Variants in DNMBP observed in about 807,000 individuals in gnomAD.
DNMBP encodes the protein dynamin-binding protein.
Under a neutral mutation model 150.0 loss-of-function variants are expected in DNMBP, and 87 were observed. The observed-to-expected ratio is 0.58, with a 90% CI of 0.49 to 0.69. The LOEUF (loss-of-function observed/expected upper bound fraction) is 0.69, where lower values mean the gene tolerates loss of function less well. Among genes scored for constraint, DNMBP ranks in the 30% least tolerant of loss-of-function variants. The pLI, the probability that DNMBP is intolerant of heterozygous loss-of-function variation, is 0.00. For synonymous variants in DNMBP, 711 were observed against 750.4 expected (o/e 0.95, Z 0.86); for missense variants, 1,774 against 1,949.0 (o/e 0.91, Z 1.69).
At chr10:99,961,630 T>C (rs2040566661) in intron 3 of DNMBP, among the ~76,000 whole-genome samples, 1 of 152,114 alleles carries the variant, frequency 6.6e-6, no homozygotes, top group African/African-American at 2.4e-5. Flanking sequence ...CTTTGAAATC[T>C]TGTCCCCACG....
chr10:99,898,122 C>T lies in DNMBP; in HGVS notation c.2884G>A (p.Val962Ile), dbSNP rs769641712. 2.5e-6 allele frequency: 4 copies of T among 1,614,032 alleles called. No homozygotes were observed. The South Asian group carries it at 3.3e-5, about 13-fold the overall frequency. The change falls in exon 9 of 17, where the codon GTT becomes ATT. Residue 962 changes from valine to isoleucine, a missense_variant. Val to Ile is a conservative substitution (Grantham distance 29). Transcript: ENST00000324109. Reference protein sequence around the residue: ...NAVLAVKEINVNINEYKRRKD... With the variant: ...NAVLAVKEINININEYKRRKD... ...CGCCGTTTATATTCATTAATGTTAA[C>T]GTTGATTTCCTTGACCGCAAGGACT... is the stretch of plus-strand genomic sequence containing the variant.
chr10:99,996,345 ACCCCGT>A (rs1331380492), intron 1 of DNMBP, among the ~76,000 whole-genome samples: 1 of 151,802 alleles, frequency 6.6e-6, no homozygotes, highest in Non-Finnish European at 1.5e-5. Context: ...AAATGGCGAA[ACCCCGT>A]CTCTACTAAA....
intron 1 of DNMBP, among the ~76,000 whole-genome samples, chr10:99,981,572 T>C (rs979095272): frequency 7.9e-5 from 12 of 152,216 alleles, no homozygotes; most frequent in Non-Finnish European, 1.8e-4. Flanking sequence ...TTTACCCTGA[T>C]AGACACCGAT....
At chr10:99,998,788 A>G (rs1026287133) in intron 1 of DNMBP, among the ~76,000 whole-genome samples, 1 of 152,096 alleles carries the variant, frequency 6.6e-6, no homozygotes, top group Admixed American at 6.6e-5. Context: ...ATAAAAGGGA[A>G]TCCTATTTTT....
intron 4 of DNMBP, among the ~76,000 whole-genome samples, chr10:99,923,568 TACAGCTATG>T (rs1554864205): frequency 6.6e-6 from 1 of 152,068 alleles, no homozygotes; most frequent in Non-Finnish European, 1.5e-5. Flanking sequence ...ATCTCAGTGA[TACAGCTATG>T]GAGGTGGCTC....
chr10:99,950,601 T>G (rs1312276247), intron 4 of DNMBP, among the ~76,000 whole-genome samples: 1 of 152,204 alleles, frequency 6.6e-6, no homozygotes, highest in East Asian at 1.9e-4. Context: ...AGGAACTTGT[T>G]GGGAACTGGA....
At chr10:99,959,277 T>C (rs1036211300) in intron 3 of DNMBP, among the ~76,000 whole-genome samples, 1 of 152,150 alleles carries the variant, frequency 6.6e-6, no homozygotes, top group Non-Finnish European at 1.5e-5. Flanking sequence ...ATAGCTAATA[T>C]GATAAATATC....
chr10:99,878,938 T>C (rs560969843), intron 16 of DNMBP, among the ~76,000 whole-genome samples: 2 of 150,952 alleles, frequency 1.3e-5, no homozygotes, highest in African/African-American at 2.4e-5. Context: ...CTGGCCAACA[T>C]AGGGAAACCC....
Position 99,961,272 on chromosome 10 carries a change from T to C in DNMBP, c.269-4067A>G, listed in dbSNP as rs796870919. Reference sequence around the variant, plus strand: ...AAAATATTTCTTCCCTTTTTCTTTTTTTTTTTTTTTTTTTTTTTGTGGAGA... The same window carrying C: ...AAAATATTTCTTCCCTTTTTCTTTTCTTTTTTTTTTTTTTTTTTGTGGAGA... On this transcript the variant is annotated intron_variant, in intron 3 of 16. Coordinates refer to ENST00000324109, the MANE Select transcript of DNMBP (RefSeq NM_015221.4). 2.1e-3 allele frequency among the ~76,000 whole-genome samples: 269 copies of C among 125,324 alleles called. 1 individual carries two copies. The highest frequency in any genetic ancestry group is 5.2e-3 in the African/African-American group (156 of 29,912). 82.2% of individuals were successfully genotyped at this position (125,324 alleles called of 152,430 possible). A position where few individuals can be genotyped will look rare whatever the true frequency, so the allele number is the denominator to read the frequency against.
chr10:99,973,256 T>C lies in DNMBP; in HGVS notation c.-10-1122A>G, dbSNP rs564743598. Reference sequence around the variant, plus strand: ...TAATTTAAAAATAATAATTTCTTCATATATTTTTCATTTGGACCGCAAAGG... The same window carrying C: ...TAATTTAAAAATAATAATTTCTTCACATATTTTTCATTTGGACCGCAAAGG... On this transcript the variant is annotated intron_variant, in intron 1 of 16. Transcript: ENST00000324109. 4.3e-4 allele frequency among the ~76,000 whole-genome samples: 65 copies of C among 152,282 alleles called. 2 individuals carry two copies. Among genetic ancestry groups the C allele is most frequent in the African/African-American group, 1.6e-3 (65 of 41,558 alleles).
intron 4 of DNMBP, among the ~76,000 whole-genome samples, chr10:99,935,450 G>A (rs986649789): frequency 1.3e-4 from 20 of 152,032 alleles, no homozygotes; most frequent in Non-Finnish European, 1.9e-4. Flanking sequence ...GCAGTGGTCC[G>A]ATCATAGTTC....
chr10:99,986,594 C>CAAAAAAAAAAAAAAAAAAAAAA lies in DNMBP; in HGVS notation c.-10-14482_-10-14461dup, dbSNP rs747726572. ...TGGGAGACAGAGCAAGACTCCGTCT[C>CAAAAAAAAAAAAAAAAAAAAAA]AAAAAAAAAAAAAAAAAAAAAAAAA... On this transcript the variant is annotated intron_variant, in intron 1 of 16. Transcript: ENST00000324109. 6.7e-5 allele frequency among the ~76,000 whole-genome samples: 5 copies of CAAAAAAAAAAAAAAAAAAAAAA among 74,160 alleles called. 2 individuals are homozygous for CAAAAAAAAAAAAAAAAAAAAAA. Among genetic ancestry groups the CAAAAAAAAAAAAAAAAAAAAAA allele is most frequent in the African/African-American group, 1.9e-4 (4 of 20,742 alleles). 48.7% of individuals were successfully genotyped at this position (74,160 alleles called of 152,430 possible).
intron 1 of DNMBP, among the ~76,000 whole-genome samples, chr10:99,991,246 T>A (rs542102559): frequency 6.6e-6 from 1 of 151,964 alleles, no homozygotes; most frequent in Non-Finnish European, 1.5e-5. Flanking sequence ...GCCCGGCTGA[T>A]GTTTGTATTT....
intron 4 of DNMBP, among the ~76,000 whole-genome samples, chr10:99,912,199 AAATCCTGTGCACTT>A (rs1461455319): frequency 6.6e-6 from 1 of 152,204 alleles, no homozygotes; most frequent in Non-Finnish European, 1.5e-5. Flanking sequence ...ATTTAAATCC[AAATCCTGTGCACTT>A]AATCCTGCAC....
At chr10:99,919,189 C>T (rs2039996595) in intron 4 of DNMBP, among the ~76,000 whole-genome samples, 1 of 152,214 alleles carries the variant, frequency 6.6e-6, no homozygotes, top group Non-Finnish European at 1.5e-5. Flanking sequence ...ATATTCAAAA[C>T]TGGCCTCCCA....
chr10:99,996,590 CCTTA>C (rs2040953695), intron 1 of DNMBP, among the ~76,000 whole-genome samples: 1 of 152,102 alleles, frequency 6.6e-6, no homozygotes, highest in Non-Finnish European at 1.5e-5. Flanking sequence ...AAAGCAAAAT[CCTTA>C]CTTAAAATAA....
chr10:99,973,003 A>T (rs969246862), intron 1 of DNMBP, among the ~76,000 whole-genome samples: 5 of 152,172 alleles, frequency 3.3e-5, no homozygotes, highest in Admixed American at 1.3e-4. Context: ...GCTCATCTCA[A>T]ACTCCTGGCC....
chr10:99,965,210 T>C (rs1409757107), intron 3 of DNMBP, among the ~76,000 whole-genome samples: 3 of 152,118 alleles, frequency 2.0e-5, no homozygotes, highest in African/African-American at 7.2e-5. Flanking sequence ...GTAGGTATTA[T>C]ATTATTATCC....
chr10:99,960,668 G>T (rs1305391112), intron 3 of DNMBP, among the ~76,000 whole-genome samples: 1 of 151,992 alleles, frequency 6.6e-6, no homozygotes, highest in African/African-American at 2.4e-5. Context: ...TAGCCAGGTG[G>T]GGGGGTGCAC....
Sources: allele counts gnomAD v4.1 joint callset (sites outside exome capture counted in the v4.1 genomes callset), GRCh38; gene constraint gnomAD v4.1.1; transcripts MANE v1.5; gene names NCBI Gene and HGNC (gene_info 2026-07-23, HGNC 2026-07-21).